The following NRXN3 variants were observed in gnomAD, a reference collection of about 807,000 sequenced individuals.
NRXN3 encodes neurexin III.
In NRXN3, 32 loss-of-function variants were observed where a neutral mutation model predicts 137.6. The observed-to-expected ratio is 0.23, with a 90% CI of 0.18 to 0.31. NRXN3 has a LOEUF of 0.31. Among genes scored for constraint, NRXN3 ranks in the 10% least tolerant of loss-of-function variants. NRXN3 has a pLI of 1.00. For synonymous variants in NRXN3, 798 were observed against 784.5 expected (o/e 1.02, Z -0.29); for missense variants, 1,574 against 2,062.5 (o/e 0.76, Z 4.59).
chr14:78,916,244 C>A (rs1597353247), intron 10 of NRXN3, among the ~76,000 whole-genome samples: 1 of 152,110 alleles, frequency 6.6e-6, no homozygotes, highest in Non-Finnish European at 1.5e-5. Flanking sequence ...TATGGTCAAC[C>A]TAATGATACC....
intron 15 of NRXN3, among the ~76,000 whole-genome samples, chr14:79,118,634 C>T (rs2054876821): frequency 6.6e-6 from 1 of 152,168 alleles, no homozygotes; most frequent in Non-Finnish European, 1.5e-5. Flanking sequence ...TGTTATAAAC[C>T]ATTTTGGACT....
rs540098709 is a variant in NRXN3 at position 79,779,380 on chromosome 14, T to C, written c.4015-25732T>C. On this transcript the variant is annotated intron_variant, in intron 19 of 20. Coordinates refer to ENST00000335750, the MANE Select transcript of NRXN3 (RefSeq NM_001330195.2). ...CGCCCACCTCGGCCTCCCAAAGTGC[T>C]GGGATTACAGGCGTGAGCCACCATG... 8.7e-4 allele frequency among the ~76,000 whole-genome samples: 132 copies of C among 152,304 alleles called. 2 individuals are homozygous for C. Among genetic ancestry groups the C allele is most frequent in the African/African-American group, 2.8e-3 (116 of 41,574 alleles).
intron 19 of NRXN3, among the ~76,000 whole-genome samples, chr14:79,750,379 TA>T (rs2154088698): frequency 6.6e-6 from 1 of 152,288 alleles, no homozygotes; most frequent in African/African-American, 2.4e-5. Flanking sequence ...ACTATGTCCT[TA>T]TATTTGCATT....
chr14:78,209,007 C>A (rs1339633470), intron 1 of NRXN3, among the ~76,000 whole-genome samples: 1 of 152,134 alleles, frequency 6.6e-6, no homozygotes, highest in African/African-American at 2.4e-5. Flanking sequence ...ACTCATCATC[C>A]CACTTGAGAT....
chr14:78,623,756 C>G (rs556699876), intron 4 of NRXN3, among the ~76,000 whole-genome samples: 1 of 152,014 alleles, frequency 6.6e-6, no homozygotes, highest in Non-Finnish European at 1.5e-5. Context: ...TTAGTAGAGA[C>G]GGGGTTTCAC....
chr14:78,997,414 C>G (rs2099532223), intron 15 of NRXN3, among the ~76,000 whole-genome samples: 1 of 152,142 alleles, frequency 6.6e-6, no homozygotes, highest in African/African-American at 2.4e-5. Flanking sequence ...CGGCAATAAT[C>G]CACTTAGAGC....
intron 15 of NRXN3, among the ~76,000 whole-genome samples, chr14:79,370,292 T>G (rs1417757323): frequency 6.6e-6 from 1 of 151,138 alleles, no homozygotes; most frequent in East Asian, 1.9e-4. Flanking sequence ...TATCGGGTTT[T>G]TTTTGTTTCT....
At chr14:79,234,802 C>T (rs974798370) in intron 15 of NRXN3, among the ~76,000 whole-genome samples, 1 of 151,894 alleles carries the variant, frequency 6.6e-6, no homozygotes, top group African/African-American at 2.4e-5. Context: ...TTCACTTGAC[C>T]ATTCACTTTG....
chr14:79,508,390 A>AT (rs528502246), intron 16 of NRXN3, among the ~76,000 whole-genome samples: 5,808 of 48,254 alleles, frequency 0.12, 1,354 homozygotes, highest in Middle Eastern at 0.2. Flanking sequence ...ACAATAACTG[A>AT]TTTTTTTTTT....
At chr14:78,172,744 C>G (rs1291583559) in intron 1 of NRXN3, among the ~76,000 whole-genome samples, 3 of 152,052 alleles carry the variant, frequency 2.0e-5, no homozygotes, top group African/African-American at 7.2e-5. Flanking sequence ...TGTGCGAATG[C>G]CCTTTTCTGG....
chr14:78,327,464 T>C (rs1353108417), intron 4 of NRXN3, among the ~76,000 whole-genome samples: 1 of 152,226 alleles, frequency 6.6e-6, no homozygotes, highest in Non-Finnish European at 1.5e-5. Flanking sequence ...CATTTGCTGA[T>C]GAATACAGCA....
At chr14:79,453,968 C>T (rs2096218532) in intron 15 of NRXN3, among the ~76,000 whole-genome samples, 1 of 152,158 alleles carries the variant, frequency 6.6e-6, no homozygotes, top group South Asian at 2.1e-4. Context: ...ATCCTCCCTC[C>T]ATCTTCTCTA....
chr14:79,597,372 T>G (rs559419174), intron 16 of NRXN3, among the ~76,000 whole-genome samples: 2 of 152,324 alleles, frequency 1.3e-5, no homozygotes, highest in South Asian at 4.1e-4. Context: ...TTGAGATGTG[T>G]GATTTAAATT....
At chr14:79,702,562 C>T (rs996280987) in intron 19 of NRXN3, among the ~76,000 whole-genome samples, 1 of 151,886 alleles carries the variant, frequency 6.6e-6, no homozygotes, top group African/African-American at 2.4e-5. Context: ...ATTATAATCT[C>T]TGGGAGAGAT....
At chr14:78,886,016 G>T (rs2099142631) in intron 10 of NRXN3, among the ~76,000 whole-genome samples, 1 of 152,066 alleles carries the variant, frequency 6.6e-6, no homozygotes. Context: ...GCCAAATCCA[G>T]CTAGCCAACA....
intron 10 of NRXN3, among the ~76,000 whole-genome samples, chr14:78,840,208 A>G (rs1053913883): frequency 1.3e-5 from 2 of 152,184 alleles, no homozygotes; most frequent in African/African-American, 4.8e-5. Flanking sequence ...CATCACTGTC[A>G]TTGCCATTGT....
chr14:78,948,628 C>CTTTTTTTTTTTTTTTTTTTTTTTTTTTT (rs201010514), intron 10 of NRXN3, among the ~76,000 whole-genome samples: 5 of 108,604 alleles, frequency 4.6e-5, no homozygotes, highest in South Asian at 3.0e-4. Flanking sequence ...ACACATTTAA[C>CTTTTTTTTTTTTTTTTTTTTTTTTTTTT]TTTTTTTTTT....
At chr14:79,583,416 T>C (rs2097735602) in intron 16 of NRXN3, among the ~76,000 whole-genome samples, 1 of 152,184 alleles carries the variant, frequency 6.6e-6, no homozygotes, top group Non-Finnish European at 1.5e-5. Flanking sequence ...CCTTTAGTGA[T>C]TTTCATCTCA....
At chr14:78,609,693 A>G (rs924091410) in intron 4 of NRXN3, among the ~76,000 whole-genome samples, 39 of 152,212 alleles carry the variant, frequency 2.6e-4, no homozygotes, top group African/African-American at 8.9e-4. Context: ...CAGAAAGTAC[A>G]TGTTAAATAC....
Sources: gnomAD v4.1 joint callset for allele counts (sites outside exome capture counted in the v4.1 genomes callset) on GRCh38, gnomAD v4.1.1 for gene constraint, MANE v1.5 for transcripts, NCBI Gene and HGNC (gene_info 2026-07-23, HGNC 2026-07-21) for gene names.